The following TEAD1 variants were observed in gnomAD, a reference collection of about 807,000 sequenced individuals.
TEAD1 encodes TEA domain transcription factor 1.
In TEAD1, 9 loss-of-function variants were observed where a neutral mutation model predicts 54.9. That is an observed-to-expected ratio of 0.16 (90% confidence interval 0.10 to 0.29). TEAD1 has a LOEUF of 0.29. Ranked by LOEUF, TEAD1 falls within the 10% of genes least tolerant of loss-of-function variation. The probability of loss-of-function intolerance (pLI) is 1.00; values close to 1 mark genes in which losing one functional copy is unlikely to be tolerated. For synonymous variants in TEAD1, 200 were observed against 187.8 expected, an observed-to-expected ratio of 1.07 and a Z score of -0.53; for missense variants, 387 against 535.9, an observed-to-expected ratio of 0.72 and a Z score of 2.74.
intron 2 of TEAD1, among the ~76,000 whole-genome samples, chr11:12,746,484 G>A (rs976532262): frequency 6.6e-6 from 1 of 152,148 alleles, no homozygotes. Flanking sequence ...ATTTTTAAAA[G>A]CATATTTAGA....
At chr11:12,882,912 G>C in intron 8 of TEAD1, 89 bp from the exon 9 acceptor site, 1 of 1,603,498 alleles carries the variant, frequency 6.2e-7, no homozygotes, top group Non-Finnish European at 8.5e-7. Flanking sequence ...ATTTCCTTCT[G>C]GGTCATCTGT....
chr11:12,863,685 C>T (rs993005420), intron 4 of TEAD1, among the ~76,000 whole-genome samples: 1 of 152,090 alleles, frequency 6.6e-6, no homozygotes, highest in Non-Finnish European at 1.5e-5. Context: ...TAATCATCTA[C>T]ATTCTGACAG....
At chr11:12,935,794 C>T (rs1453937498) in intron 12 of TEAD1, among the ~76,000 whole-genome samples, 3 of 152,136 alleles carry the variant, frequency 2.0e-5, no homozygotes, top group East Asian at 3.9e-4. Flanking sequence ...GTGCCATGTC[C>T]TCAAGCTAGT....
chr11:12,753,877 C>G lies in TEAD1; in HGVS notation c.-54-10302C>G, dbSNP rs553256826. On this transcript the variant is annotated intron_variant, in intron 2 of 12. Coordinates refer to ENST00000527636, the MANE Select transcript of TEAD1 (RefSeq NM_021961.6). Reference sequence around the variant, plus strand: ...AATTCTTTACTGGTTTTTTTACTTTCAGATCTAAAGTCTATTTCAGATGGA... The same window carrying G: ...AATTCTTTACTGGTTTTTTTACTTTGAGATCTAAAGTCTATTTCAGATGGA... Among the ~76,000 whole-genome samples the G allele has an allele frequency of 9.2e-5, 14 of 152,214 alleles. No individual in the cohort carries two copies. The South Asian group carries it at 2.1e-3, about 23-fold the overall frequency.
At chr11:12,721,519 CAAA>C (rs1564918181) in intron 2 of TEAD1, among the ~76,000 whole-genome samples, 1 of 152,156 alleles carries the variant, frequency 6.6e-6, no homozygotes, top group Non-Finnish European at 1.5e-5. Context: ...AATAAGCAAA[CAAA>C]GAAAATAAAT....
chr11:12,749,158 T>C (rs1488430214), intron 2 of TEAD1, among the ~76,000 whole-genome samples: 3 of 152,112 alleles, frequency 2.0e-5, no homozygotes, highest in Admixed American at 1.3e-4. Context: ...GTTTTGCCTG[T>C]GGGGGACTTT....
At chr11:12,831,022 T>C (rs1364425315) in intron 3 of TEAD1, among the ~76,000 whole-genome samples, 1 of 152,124 alleles carries the variant, frequency 6.6e-6, no homozygotes, top group Admixed American at 6.5e-5. Context: ...CCTCCTTCTC[T>C]CTTGTTCTCT....
At chr11:12,680,359 T>C (rs1943192246) in intron 2 of TEAD1, among the ~76,000 whole-genome samples, 1 of 152,232 alleles carries the variant, frequency 6.6e-6, no homozygotes, top group Non-Finnish European at 1.5e-5. Context: ...CCTGACTCCT[T>C]CTGCTGAGAT....
intron 2 of TEAD1, among the ~76,000 whole-genome samples, chr11:12,696,881 A>G (rs1191927754): frequency 6.6e-6 from 1 of 152,076 alleles, no homozygotes; most frequent in Non-Finnish European, 1.5e-5. Flanking sequence ...GTTTGAGGGA[A>G]CTGACTCCGG....
intron 9 of TEAD1, among the ~76,000 whole-genome samples, chr11:12,896,298 C>T (rs1247658806): frequency 6.6e-6 from 1 of 152,158 alleles, no homozygotes; most frequent in Non-Finnish European, 1.5e-5. Context: ...GAGTCCTCAG[C>T]TCCACGGATC....
intron 2 of TEAD1, among the ~76,000 whole-genome samples, chr11:12,680,305 T>C (rs1943190040): frequency 6.6e-6 from 1 of 152,222 alleles, no homozygotes; most frequent in African/African-American, 2.4e-5. Flanking sequence ...CAATTTTAAT[T>C]GTAAGAAAGA....
At chr11:12,744,698 C>T (rs1350263606) in intron 2 of TEAD1, among the ~76,000 whole-genome samples, 2 of 151,814 alleles carry the variant, frequency 1.3e-5, no homozygotes, top group African/African-American at 2.4e-5. Flanking sequence ...TTTAAAAACC[C>T]GATTAAAAAT....
intron 9 of TEAD1, among the ~76,000 whole-genome samples, chr11:12,885,233 T>C (rs1434017754): frequency 3.6e-5 from 4 of 111,652 alleles, no homozygotes; most frequent in Non-Finnish European, 6.9e-5. Flanking sequence ...TCTTGAATTG[T>C]CTTTTTTTTT....
intron 5 of TEAD1, among the ~76,000 whole-genome samples, chr11:12,872,139 A>C (rs747731274): frequency 3.9e-5 from 6 of 152,208 alleles, no homozygotes; most frequent in Non-Finnish European, 8.8e-5. Flanking sequence ...CAAGAACTTC[A>C]CTGGGGCATT....
chr11:12,919,355 C>T (rs1387050322), intron 10 of TEAD1, among the ~76,000 whole-genome samples: 1 of 152,170 alleles, frequency 6.6e-6, no homozygotes, highest in Non-Finnish European at 1.5e-5. Flanking sequence ...AAGGACTTTG[C>T]TTGGCTGTAG....
intron 5 of TEAD1, among the ~76,000 whole-genome samples, chr11:12,872,605 A>G (rs190311683): frequency 1.3e-5 from 2 of 152,356 alleles, no homozygotes; most frequent in Admixed American, 1.3e-4. Context: ...AGGGCACTGA[A>G]TATGTAGATA....
intron 3 of TEAD1, among the ~76,000 whole-genome samples, chr11:12,817,071 G>A (rs142278805): frequency 3.8e-4 from 58 of 152,288 alleles, no homozygotes; most frequent in African/African-American, 1.2e-3. Context: ...GCAGAACCTC[G>A]CGCAGGGCAC....
At chr11:12,853,755 G>T (rs987065816) in intron 3 of TEAD1, among the ~76,000 whole-genome samples, 1 of 152,120 alleles carries the variant, frequency 6.6e-6, no homozygotes, top group African/African-American at 2.4e-5. Context: ...TCTAAGATGC[G>T]GGAGAACACA....
chr11:12,728,124 C>T (rs1398933724), intron 2 of TEAD1, among the ~76,000 whole-genome samples: 1 of 152,102 alleles, frequency 6.6e-6, no homozygotes, highest in Admixed American at 6.5e-5. Flanking sequence ...AGAGGTGAGC[C>T]TGAGGACTGT....
Sources: allele counts gnomAD v4.1 joint callset (sites outside exome capture counted in the v4.1 genomes callset), GRCh38; gene constraint gnomAD v4.1.1; transcripts MANE v1.5; gene names NCBI Gene and HGNC (gene_info 2026-07-23, HGNC 2026-07-21).